The following ADCYAP1R1 variants were observed in gnomAD, a reference collection of about 807,000 sequenced individuals.
ADCYAP1R1 encodes the protein pituitary adenylate cyclase-activating polypeptide type I receptor.
In ADCYAP1R1, 44 loss-of-function variants were observed where a neutral mutation model predicts 67.6. The observed-to-expected ratio is 0.65, with a 90% CI of 0.51 to 0.84. The LOEUF is 0.84. Among genes scored for constraint, ADCYAP1R1 ranks in the 40% least tolerant of loss-of-function variants. The pLI is 0.00. For missense variants in ADCYAP1R1, 477 were observed against 587.9 expected (o/e 0.81, Z 1.95); for synonymous variants, 222 against 219.6 (o/e 1.01, Z -0.10).
intron 11 of ADCYAP1R1, 45 bp downstream of exon 11, chr7:31,087,048 C>T (rs1444514326): frequency 6.2e-7 from 1 of 1,604,798 alleles, no homozygotes; most frequent in Non-Finnish European, 8.5e-7. Context: ...AGAGTAGATT[C>T]TTACAGATGG....
At chr7:31,082,284 T>C (rs1287223906) in intron 6 of ADCYAP1R1, among the ~76,000 whole-genome samples, 1 of 152,186 alleles carries the variant, frequency 6.6e-6, no homozygotes, top group East Asian at 1.9e-4. Flanking sequence ...ATCAGCCTAG[T>C]GAAGTAGGCA....
At chr7:31,096,859 C>G (rs1029680833) in intron 13 of ADCYAP1R1, among the ~76,000 whole-genome samples, 1 of 151,972 alleles carries the variant, frequency 6.6e-6, no homozygotes, top group Non-Finnish European at 1.5e-5. Context: ...CGCCAAGTGG[C>G]CAGCACCACA....
rs1463949942 is a variant in ADCYAP1R1 at position 31,108,814 on chromosome 7, T to C, written c.*2130T>C. On this transcript the variant is annotated 3_prime_UTR_variant, in exon 16 of 16. Transcript: ENST00000304166. ...TGGACAGGATGCTGTTTATTTTCCC[T>C]TTCTTGGAAATGGACCTTCTGTCCC... 6.6e-6 allele frequency: 1 copy of C among 152,182 alleles called. No individual in the cohort carries two copies. Among genetic ancestry groups the C allele is most frequent in the East Asian group, 1.9e-4 (1 of 5,184 alleles). 9.4% of individuals were successfully genotyped at this position (152,182 alleles called of 1,614,324 possible).
In ADCYAP1R1 at chr7:31,064,838, C is replaced by A; in HGVS notation, c.59C>A (p.Ala20Asp). The change falls in exon 3 of 16, where the codon GCC becomes GAC. Residue 20 changes from alanine (A) to aspartate (D), a missense_variant. Transcript: ENST00000304166. ...TCCTGTGTTCTCCTACAGGCCCCTG[C>A]CATGCATTCTGACTGCATCTTCAAG... ...AALLLLPMAP[A>D]MHSDCIFKKE... The A allele has an allele frequency of 6.2e-7, 1 of 1,610,962 alleles. No individual in the cohort carries two copies. Among genetic ancestry groups the A allele is most frequent in the Admixed American group, 1.7e-5 (1 of 59,806 alleles).
In ADCYAP1R1 at chr7:31,087,654, T is replaced by C. The variant is rs920758323; in HGVS notation, c.912T>C (p.Ala304=). The C allele has an allele frequency of 9.9e-6, 16 of 1,613,922 alleles. No homozygotes were observed. Among genetic ancestry groups the C allele is most frequent in the African/African-American group, 1.3e-5 (1 of 74,930 alleles). Residue 304 remains alanine (A), a synonymous_variant, in exon 12 of 16, where the codon GCT becomes GCC. Coordinates refer to ENST00000304166, the MANE Select transcript of ADCYAP1R1 (RefSeq NM_001118.5). ...TGCWDMNDST[A]LWWVIKGPVV... ...GCTGGGATATGAATGACAGCACAGC[T>C]CTGTGGTGGGTGATCAAAGGCCCTG... is the stretch of plus-strand genomic sequence containing the variant.
intron 8 of ADCYAP1R1, 39 bp downstream of exon 8, chr7:31,084,873 G>C: frequency 6.3e-7 from 1 of 1,584,260 alleles, no homozygotes; most frequent in South Asian, 1.1e-5. Context: ...CACCAGAGCT[G>C]GCCAGGGCCT....
chr7:31,058,130 C>T lies in ADCYAP1R1; in HGVS notation c.-71-5064C>T, dbSNP rs186862695. Among the ~76,000 whole-genome samples the T allele has an allele frequency of 9.8e-5, 15 of 152,344 alleles. 1 individual carries two copies. Among genetic ancestry groups the T allele is most frequent in the East Asian group, 1.9e-4 (1 of 5,178 alleles). The stretch of plus-strand genomic sequence containing the variant: ...GACATCAGAGCTTCCCACTGTGGGC[C>T]TGGGCCAGACGCTGGAGTGGGGCAA... On this transcript the variant is annotated intron_variant, in intron 1 of 15. Transcript: ENST00000304166.
chr7:31,084,378 C>T lies in ADCYAP1R1; in HGVS notation c.438+128C>T, dbSNP rs565981984. The T allele has an allele frequency of 1.3e-5, 9 of 715,128 alleles. No homozygotes were observed. The East Asian group carries it at 1.8e-4, about 15-fold the overall frequency. 44.3% of individuals were successfully genotyped at this position (715,128 alleles called of 1,614,324 possible). A position where few individuals can be genotyped will look rare whatever the true frequency, so the allele number is the denominator to read the frequency against. ...CTGGGATGCTGCCTACTCCTCCCCACCTGCACCTGGCTACTCTTACAGGAT... is the reference window on the plus strand; with the variant it reads ...CTGGGATGCTGCCTACTCCTCCCCATCTGCACCTGGCTACTCTTACAGGAT... On this transcript the variant is annotated intron_variant, in intron 7 of 15. Transcript: ENST00000304166.
chr7:31,069,766 C>T (rs548946183), intron 3 of ADCYAP1R1, among the ~76,000 whole-genome samples: 4 of 152,190 alleles, frequency 2.6e-5, no homozygotes, highest in Admixed American at 6.5e-5. Context: ...AGGGGAGGCA[C>T]CCATGGTAGC....
chr7:31,082,255 T>C (rs1795547560), intron 6 of ADCYAP1R1, among the ~76,000 whole-genome samples: 1 of 152,206 alleles, frequency 6.6e-6, no homozygotes. Flanking sequence ...TTCGTGTTCC[T>C]GTGCAGTTAC....
intron 13 of ADCYAP1R1, among the ~76,000 whole-genome samples, chr7:31,101,578 C>T (rs888088106): frequency 6.6e-6 from 1 of 152,194 alleles, no homozygotes; most frequent in African/African-American, 2.4e-5. Context: ...CCTCTGCATT[C>T]CCGACTTTCA....
At chr7:31,100,611 C>T (rs975339593) in intron 13 of ADCYAP1R1, among the ~76,000 whole-genome samples, 1 of 152,176 alleles carries the variant, frequency 6.6e-6, no homozygotes. Flanking sequence ...GAACTTCACT[C>T]CAGTGTCCAC....
chr7:31,081,147 C>T (rs528385876), intron 5 of ADCYAP1R1, among the ~76,000 whole-genome samples: 45 of 151,738 alleles, frequency 3.0e-4, no homozygotes, highest in East Asian at 1.2e-3. Context: ...TTTTGAGAAG[C>T]GGGGATGGGG....
rs562586957 is a variant in ADCYAP1R1, at chr7:31,109,907, G to A, written c.*3223G>A. Reference sequence around the variant, plus strand: ...TCCAAGTCACATTGTCTATCCCAGTGTGTAGCTCTGTCACCCTGCTTGACA... The same window carrying A: ...TCCAAGTCACATTGTCTATCCCAGTATGTAGCTCTGTCACCCTGCTTGACA... On this transcript the variant is annotated 3_prime_UTR_variant, in exon 16 of 16. Coordinates refer to ENST00000304166, the MANE Select transcript of ADCYAP1R1 (RefSeq NM_001118.5). 50 of 152,280 alleles carry A rather than the reference G, an allele frequency of 3.3e-4. No homozygotes were observed. The highest frequency in any genetic ancestry group is 1.1e-3 in the African/African-American group (47 of 41,532). 9.4% of individuals were successfully genotyped at this position (152,280 alleles called of 1,614,324 possible).
At chr7:31,071,248 T>C (rs891259877) in intron 3 of ADCYAP1R1, among the ~76,000 whole-genome samples, 3 of 152,186 alleles carry the variant, frequency 2.0e-5, no homozygotes, top group Admixed American at 6.5e-5. Flanking sequence ...TGCGTTCTCT[T>C]TCAGTCGCTC....
At chr7:31,057,070 G>C (rs1178317062) in intron 1 of ADCYAP1R1, 5 of 152,306 alleles carry the variant, frequency 3.3e-5, no homozygotes, top group Non-Finnish European at 7.3e-5. Context: ...GCTCAGTGCA[G>C]AGCTACTCCT....
intron 12 of ADCYAP1R1, among the ~76,000 whole-genome samples, chr7:31,088,674 T>A (rs1361715993): frequency 6.6e-6 from 1 of 152,348 alleles, no homozygotes; most frequent in East Asian, 1.9e-4. Context: ...AAACACTCAA[T>A]ATACTGGTCT....
rs1795676648 is a variant in ADCYAP1R1 at position 31,084,977 on chromosome 7, G to A, written c.536+143G>A. ...TCTCCCACCCCAAGGATAACAGATGGGAAACTTCACTCCAGAGAGGGCAAC... is the reference window on the plus strand; with the variant it reads ...TCTCCCACCCCAAGGATAACAGATGAGAAACTTCACTCCAGAGAGGGCAAC... On this transcript the variant is annotated intron_variant, in intron 8 of 15. Coordinates refer to ENST00000304166, the MANE Select transcript of ADCYAP1R1 (RefSeq NM_001118.5). The A allele has an allele frequency of 4.7e-6, 4 of 857,880 alleles. No individual in the cohort carries two copies. In the South Asian group the frequency reaches 6.0e-5, roughly 13 times the overall value. The allele number at this position is 857,880 out of a possible 1,614,324, so 53.1% of individuals were successfully genotyped here.
chr7:31,099,562 T>C (rs1177345530), intron 13 of ADCYAP1R1, among the ~76,000 whole-genome samples: 2 of 152,160 alleles, frequency 1.3e-5, no homozygotes, highest in Non-Finnish European at 2.9e-5. Context: ...TCTGAGTTGC[T>C]GGGGGGCTCA....
Sources: gnomAD v4.1 joint callset for allele counts (sites outside exome capture counted in the v4.1 genomes callset) on GRCh38, gnomAD v4.1.1 for gene constraint, MANE v1.5 for transcripts, NCBI Gene and HGNC (gene_info 2026-07-23, HGNC 2026-07-21) for gene names.